ASB16: variants seen among roughly 807,000 people sequenced by gnomAD.
ASB16 encodes ankyrin repeat and SOCS box containing 16, also known as ankyrin repeat and SOCS box protein 16.
In ASB16, 44 loss-of-function variants were observed where a neutral mutation model predicts 39.1. The ratio of observed to expected loss-of-function variants is 1.13; its 90% CI spans 0.88 to 1.45. The LOEUF (loss-of-function observed/expected upper bound fraction) is 1.45, where lower values mean the gene tolerates loss of function less well. ASB16 is among the 40% of genes most tolerant of loss of function. The pLI is 0.00. For synonymous variants in ASB16, 305 were observed against 286.7 expected, an observed-to-expected ratio of 1.06 and a Z score of -0.64; for missense variants, 698 against 634.5, an observed-to-expected ratio of 1.10 and a Z score of -1.07.
At position 44,176,562 on chromosome 17, in the gene ASB16, T is replaced by A. The variant is rs2054292594; in HGVS notation, c.570-176T>A. On this transcript the variant is annotated intron_variant, in intron 2 of 4. Transcript: ENST00000293414. Reference sequence around the variant, plus strand: ...ATATGAAAACTGAAGATGCTTCTGGTAGCTCTCAGGACCTTCCAATTCTGT... The same window carrying A: ...ATATGAAAACTGAAGATGCTTCTGGAAGCTCTCAGGACCTTCCAATTCTGT... 3.3e-6 allele frequency: 3 copies of A among 901,894 alleles called. No individual in the cohort carries two copies. In the South Asian group the frequency reaches 4.3e-5, roughly 13 times the overall value. The allele number at this position is 901,894 out of a possible 1,614,324, so 55.9% of individuals were successfully genotyped here.
intron 2 of ASB16, 124 bp from the exon 3 acceptor site, chr17:44,176,614 T>C: frequency 7.2e-7 from 1 of 1,391,342 alleles, no homozygotes; most frequent in Admixed American, 1.7e-5. Context: ...TGTATGATTC[T>C]CATGGAGGAC....
chr17:44,177,086 CG>C lies in ASB16; in HGVS notation c.922del (p.Ala308ProfsTer49). The C allele has an allele frequency of 5.4e-6, 8 of 1,474,748 alleles. No individual in the cohort carries two copies. The highest frequency in any genetic ancestry group is 7.1e-6 in the Non-Finnish European group (8 of 1,124,238). The allele number at this position is 1,474,748 out of a possible 1,614,324, so 91.4% of individuals were successfully genotyped here. A position where few individuals can be genotyped will look rare whatever the true frequency, so the allele number is the denominator to read the frequency against. On this transcript the variant is annotated frameshift_variant, in exon 3 of 5. Transcript: ENST00000293414. LOFTEE classifies it high-confidence loss of function. ...GGLAELLLRYGARAEVPNGAG... is the reference protein window; with the variant it reads ...GGLAELLLRYXARAEVPNGAG... Reference sequence around the variant, plus strand: ...GCCTGGCCGAGCTGCTGCTGCGTTACGGGGCCCGCGCTGAGGTCCCCAATGG... The same window carrying C: ...GCCTGGCCGAGCTGCTGCTGCGTTACGGGCCCGCGCTGAGGTCCCCAATGG...
chr17:44,172,416 G>A, intron 2 of ASB16, 103 bp downstream of exon 2: 3 of 1,376,234 alleles, frequency 2.2e-6, no homozygotes, highest in African/African-American at 1.4e-5. Flanking sequence ...CAGCTTTGTG[G>A]TTCATAAAGC....
In ASB16 at chr17:44,178,254, G is replaced by C; in HGVS notation, c.1226G>C (p.Arg409Thr). The C allele has an allele frequency of 6.2e-7, 1 of 1,613,546 alleles. No individual in the cohort carries two copies. Among genetic ancestry groups the C allele is most frequent in the South Asian group, 1.1e-5 (1 of 91,080 alleles). ...SSALCMVNQP[R>T]QLQHLARLAV... ...GCCCTGTGCATGGTGAACCAGCCAA[G>C]GCAGCTGCAGCACCTGGCCCGACTA... The change falls in exon 5 of 5, where the codon AGG (arginine) becomes ACG (threonine). Residue 409 changes from arginine (R) to threonine (T), a missense_variant. Arg to Thr is a moderately conservative substitution (Grantham distance 71). Coordinates refer to ENST00000293414, the MANE Select transcript of ASB16 (RefSeq NM_080863.5).
chr17:44,170,873 G>A lies in ASB16; in HGVS notation c.84G>A (p.Arg28=). ...LQQEWLEWED[R]RRAAAQQCRS... ...AGGAGTGGCTGGAATGGGAGGACCGGCGGCGGGCGGCTGCCCAGCAGTGCC... is the reference window on the plus strand; with the variant it reads ...AGGAGTGGCTGGAATGGGAGGACCGACGGCGGGCGGCTGCCCAGCAGTGCC... The change falls in exon 1 of 5, where the codon CGG becomes CGA. Residue 28 remains arginine, a synonymous_variant. Coordinates refer to ENST00000293414, the MANE Select transcript of ASB16 (RefSeq NM_080863.5). 6.2e-7 allele frequency: 1 copy of A among 1,611,354 alleles called. No homozygotes were observed. Among genetic ancestry groups the A allele is most frequent in the African/African-American group, 1.3e-5 (1 of 75,008 alleles).
intron 2 of ASB16, among the ~76,000 whole-genome samples, chr17:44,172,605 TCCTTTGTAG>T (rs897761579): frequency 1.1e-4 from 17 of 152,120 alleles, no homozygotes; most frequent in East Asian, 9.7e-4. Context: ...ACCCTGTGAA[TCCTTTGTAG>T]CCAAACCTAG....
chr17:44,171,124 G>A (rs1413289841), intron 1 of ASB16, 34 bp downstream of exon 1: 5 of 1,585,686 alleles, frequency 3.2e-6, no homozygotes, highest in Non-Finnish European at 2.6e-6. Flanking sequence ...GAAGAGGAGG[G>A]AGAAAGAAGG....
Position 44,176,797 on chromosome 17 carries a change from A to G in ASB16, c.629A>G (p.Gln210Arg), listed in dbSNP as rs146134954. The change falls in exon 3 of 5, where the codon CAG (glutamine) becomes CGG (arginine). Residue 210 changes from glutamine (Q) to arginine (R), a missense_variant. Coordinates refer to ENST00000293414, the MANE Select transcript of ASB16 (RefSeq NM_080863.5). Reference protein sequence around the residue: ...ATVNLAAGESQETPLHVAAAR... With the variant: ...ATVNLAAGESRETPLHVAAAR... ...GTGAACCTGGCAGCAGGCGAGAGCC[A>G]GGAGACGCCCCTGCACGTGGCGGCG... is the stretch of plus-strand genomic sequence containing the variant. 2.1e-3 allele frequency: 3,326 copies of G among 1,613,404 alleles called. 56 individuals are homozygous for G. In the African/African-American group the frequency reaches 0.039, roughly 19 times the overall value.
intron 4 of ASB16, 100 bp downstream of exon 4, chr17:44,177,822 TAG>T (rs1014705122): frequency 1.5e-5 from 22 of 1,503,406 alleles, no homozygotes; most frequent in Middle Eastern, 1.8e-4. Flanking sequence ...GGCCCCTGGG[TAG>T]AGAGGATGGG....
chr17:44,178,068 G>A, intron 4 of ASB16, 137 bp from the exon 5 acceptor site: 2 of 908,720 alleles, frequency 2.2e-6, no homozygotes, highest in East Asian at 2.6e-5. Context: ...GGGCCTCTAT[G>A]GTTCTGAATC....
intron 4 of ASB16, 58 bp downstream of exon 4, chr17:44,177,780 C>T (rs2054321428): frequency 1.3e-6 from 2 of 1,588,468 alleles, no homozygotes; most frequent in Non-Finnish European, 1.7e-6. Context: ...CCTATTCCTT[C>T]AGGACCAGCC....
chr17:44,177,466 T>C (rs1300115796), intron 3 of ASB16, 143 bp from the exon 4 acceptor site: 2 of 1,189,744 alleles, frequency 1.7e-6, no homozygotes, highest in Non-Finnish European at 2.3e-6. Context: ...GAGGGTGGGG[T>C]AGACAGAGGC....
rs1384727613 is a variant in ASB16, at chr17:44,177,168, T to G, written c.1000T>G (p.Trp334Gly). 6.5e-7 allele frequency: 1 copy of G among 1,532,146 alleles called. No individual in the cohort carries two copies. Among genetic ancestry groups the G allele is most frequent in the Non-Finnish European group, 8.8e-7 (1 of 1,140,908 alleles). 94.9% of individuals were successfully genotyped at this position (1,532,146 alleles called of 1,614,324 possible). A position where few individuals can be genotyped will look rare whatever the true frequency, so the allele number is the denominator to read the frequency against. ...ALQAVQDSPN[W>G]EPEVLFAALL... ...GCAGGCCGTCCAGGACTCCCCCAAC[T>G]GGGAGCCTGAAGTCCTTTTCGCCGC... The change falls in exon 3 of 5, where the codon TGG (tryptophan) becomes GGG (glycine). Residue 334 changes from tryptophan (W) to glycine (G), a missense_variant. Physicochemically the swap from Trp to Gly is radical, Grantham distance 184. Transcript: ENST00000293414.
In ASB16 at chr17:44,178,624, C is replaced by T; in HGVS notation, c.*234C>T. ...AGTAGCTGGGACTACAGGCATGAGT[C>T]ACCACACCTGGCTGATTTTGTATTT... On this transcript the variant is annotated 3_prime_UTR_variant, in exon 5 of 5. Transcript: ENST00000293414. 1 of 551,396 alleles carries T rather than the reference C, an allele frequency of 1.8e-6. No individual in the cohort carries two copies. Among genetic ancestry groups the T allele is most frequent in the South Asian group, 2.2e-5 (1 of 45,322 alleles). 34.2% of individuals were successfully genotyped at this position (551,396 alleles called of 1,614,324 possible). A position where few individuals can be genotyped will look rare whatever the true frequency, so the allele number is the denominator to read the frequency against.
Position 44,178,561 on chromosome 17 carries a change from C to T in ASB16, c.*171C>T. On this transcript the variant is annotated 3_prime_UTR_variant, in exon 5 of 5. Transcript: ENST00000293414. ...TATCTCGGCTCACTGCAACTTCTACCACCTAGGTTCAAGCGATTCTTGTGC... is the reference window on the plus strand; with the variant it reads ...TATCTCGGCTCACTGCAACTTCTACTACCTAGGTTCAAGCGATTCTTGTGC... 1.4e-6 allele frequency: 1 copy of T among 701,074 alleles called. No individual in the cohort carries two copies. The highest frequency in any genetic ancestry group is 2.3e-6 in the Non-Finnish European group (1 of 432,958). The allele number at this position is 701,074 out of a possible 1,614,324, so 43.4% of individuals were successfully genotyped here. A position where few individuals can be genotyped will look rare whatever the true frequency, so the allele number is the denominator to read the frequency against.
chr17:44,176,250 T>TAAAAA, intron 2 of ASB16: 1 of 164,908 alleles, frequency 6.1e-6, no homozygotes, highest in Non-Finnish European at 1.3e-5. Flanking sequence ...CCCAGCTACT[T>TAAAAA]GGGAGGCAGA....
At chr17:44,175,400 T>TAAAAAAAA (rs10583057) in intron 2 of ASB16, among the ~76,000 whole-genome samples, 1 of 56,262 alleles carries the variant, frequency 1.8e-5, no homozygotes, top group African/African-American at 6.9e-5. Context: ...AGACTCCATC[T>TAAAAAAAA]AAAAAAAAAA....
chr17:44,176,940 G>A lies in ASB16; in HGVS notation c.772G>A (p.Gly258Ser). 5 of 1,521,218 alleles carry A rather than the reference G, an allele frequency of 3.3e-6. No individual in the cohort carries two copies. The highest frequency in any genetic ancestry group is 4.4e-6 in the Non-Finnish European group (5 of 1,145,264). 94.2% of individuals were successfully genotyped at this position (1,521,218 alleles called of 1,614,324 possible). ...NTACAGAEGP[G>S]SCRRHQAAAR... ...GGCGTGCGCTGGGGCCGAGGGCCCA[G>A]GTAGCTGCAGGCGACACCAGGCTGC... The change falls in exon 3 of 5, where the codon GGT becomes AGT. Residue 258 changes from glycine to serine, a missense_variant. Physicochemically the swap from Gly to Ser is moderately conservative, Grantham distance 56 (BLOSUM62 0). Transcript: ENST00000293414.
Position 44,177,748 on chromosome 17 carries a change from G to A in ASB16, c.1176+26G>A, listed in dbSNP as rs747833042. 3.1e-6 allele frequency: 5 copies of A among 1,609,358 alleles called. No homozygotes were observed. The East Asian group carries it at 1.1e-4, about 36-fold the overall frequency. ...GTATGTTTGCCTCAGGGCCGAGATG[G>A]GGAGGAGGGACGAGCCACAGGCCTA... is the stretch of plus-strand genomic sequence containing the variant. On this transcript the variant is annotated intron_variant, in intron 4 of 4. Transcript: ENST00000293414.
Sources: allele counts gnomAD v4.1 joint callset (sites outside exome capture counted in the v4.1 genomes callset), GRCh38; gene constraint gnomAD v4.1.1; transcripts MANE v1.5; gene names NCBI Gene and HGNC (gene_info 2026-07-23, HGNC 2026-07-21).